The following PTER variants were observed in gnomAD, a reference collection of about 807,000 sequenced individuals.
The protein encoded by PTER is phosphotriesterase related, also known as N-acetyltaurine hydrolase.
PTER carries 38 observed loss-of-function variants against 29.6 expected under a neutral mutation model. The observed-to-expected ratio is 1.28, with a 90% CI of 0.99 to 1.68. PTER has a LOEUF of 1.68. Ranked by LOEUF, PTER falls within the 40% of genes most tolerant of loss-of-function variation. The probability of loss-of-function intolerance (pLI) is 0.00; values close to 1 mark genes in which losing one functional copy is unlikely to be tolerated. For synonymous variants in PTER, 172 were observed against 154.5 expected (o/e 1.11, Z -0.84); for missense variants, 482 against 427.8 (o/e 1.13, Z -1.12).
chr10:16,449,367 A>T (rs1834124028), intron 1 of PTER, among the ~76,000 whole-genome samples: 1 of 152,048 alleles, frequency 6.6e-6, no homozygotes, highest in Non-Finnish European at 1.5e-5. Context: ...GACCTGAGCT[A>T]AAACTCTATT....
intron 1 of PTER, among the ~76,000 whole-genome samples, chr10:16,455,947 T>G (rs1219872185): frequency 6.6e-6 from 1 of 151,404 alleles, no homozygotes; most frequent in Non-Finnish European, 1.5e-5. Context: ...GTGTTATTAC[T>G]TTTTTTTTGG....
In PTER at chr10:16,505,088, T is replaced by G. The variant is rs759226541; in HGVS notation, c.767T>G (p.Phe256Cys). The change falls in exon 4 of 5, where the codon TTT becomes TGT. Residue 256 changes from phenylalanine (F) to cysteine (C), a missense_variant. Transcript: ENST00000535784. ...GGCTGCTACTTGGAATATGATCTCT[T>G]TGGTACTGAACTACTTCATTACCAA... is the stretch of plus-strand genomic sequence containing the variant. Reference protein sequence around the residue: ...QLGCYLEYDLFGTELLHYQLG... With the variant: ...QLGCYLEYDLCGTELLHYQLG... The G allele has an allele frequency of 1.2e-6, 2 of 1,614,030 alleles. No individual in the cohort carries two copies. Among genetic ancestry groups the G allele is most frequent in the South Asian group, 1.1e-5 (1 of 91,066 alleles).
At chr10:16,449,576 G>C (rs746711440) in intron 1 of PTER, among the ~76,000 whole-genome samples, 1 of 151,918 alleles carries the variant, frequency 6.6e-6, no homozygotes, top group Non-Finnish European at 1.5e-5. Context: ...GTCTTTGATG[G>C]TTGAGTGTTG....
downstream of PTER, among the ~76,000 whole-genome samples, chr10:16,515,224 G>GA (rs71952606): frequency 0.41 from 54,606 of 134,634 alleles, 10,415 homozygotes; most frequent in South Asian, 0.49. Context: ...TACTTACAAA[G>GA]AAAAAAAAAA....
intron 1 of PTER, among the ~76,000 whole-genome samples, chr10:16,457,163 A>T (rs1834432208): frequency 6.6e-6 from 1 of 152,130 alleles, no homozygotes; most frequent in African/African-American, 2.4e-5. Context: ...CCTCATAGTC[A>T]TTAACGCTTT....
intron 1 of PTER, among the ~76,000 whole-genome samples, chr10:16,477,950 A>G (rs1295819126): frequency 6.6e-6 from 1 of 152,302 alleles, no homozygotes; most frequent in South Asian, 2.1e-4. Flanking sequence ...GTTTCATGGG[A>G]CAGAAAATCC....
At chr10:16,450,582 C>G (rs1337502744) in intron 1 of PTER, among the ~76,000 whole-genome samples, 1 of 152,176 alleles carries the variant, frequency 6.6e-6, no homozygotes, top group Admixed American at 6.5e-5. Context: ...GAGCATCCAC[C>G]TTTCATTGCA....
At chr10:16,503,358 C>A (rs1452741818) in intron 3 of PTER, among the ~76,000 whole-genome samples, 1 of 151,980 alleles carries the variant, frequency 6.6e-6, no homozygotes, top group Admixed American at 6.5e-5. Flanking sequence ...TCCCGAGTAG[C>A]TGGGATTACA....
At chr10:16,478,275 C>T (rs1302719561) in intron 1 of PTER, among the ~76,000 whole-genome samples, 1 of 151,610 alleles carries the variant, frequency 6.6e-6, no homozygotes, top group African/African-American at 2.4e-5. Context: ...TAATGTTGCA[C>T]TTCGATCTGG....
chr10:16,471,829 T>C (rs1360893095), intron 1 of PTER, among the ~76,000 whole-genome samples: 1 of 152,240 alleles, frequency 6.6e-6, no homozygotes, highest in Non-Finnish European at 1.5e-5. Flanking sequence ...AATGGACTCT[T>C]TGAGTATAAA....
chr10:16,457,394 T>G (rs1008535348), intron 1 of PTER, among the ~76,000 whole-genome samples: 1 of 152,086 alleles, frequency 6.6e-6, no homozygotes, highest in African/African-American at 2.4e-5. Flanking sequence ...TTGTATTTTT[T>G]AGTAGAGACG....
chr10:16,454,815 T>G (rs1254358887), intron 1 of PTER, among the ~76,000 whole-genome samples: 1 of 151,718 alleles, frequency 6.6e-6, no homozygotes, highest in African/African-American at 2.4e-5. Context: ...TACTAATATA[T>G]AATAATAAAC....
chr10:16,517,569 A>G (rs1011684189), downstream of PTER, among the ~76,000 whole-genome samples: 2 of 152,214 alleles, frequency 1.3e-5, no homozygotes, highest in Non-Finnish European at 2.9e-5. Context: ...TCCTCTTTCC[A>G]AATGTAAAGC....
chr10:16,460,447 C>T (rs541512892), intron 1 of PTER, among the ~76,000 whole-genome samples: 10 of 152,254 alleles, frequency 6.6e-5, no homozygotes, highest in African/African-American at 2.4e-4. Context: ...ATTAAATGAT[C>T]TCCATAGTTT....
chr10:16,451,265 G>A (rs878883584), intron 1 of PTER, among the ~76,000 whole-genome samples: 1 of 152,152 alleles, frequency 6.6e-6, no homozygotes, highest in Admixed American at 6.5e-5. Context: ...TGCCCACCCA[G>A]AATGAAGGTG....
At chr10:16,509,717 G>T (rs775636649) in intron 4 of PTER, among the ~76,000 whole-genome samples, 19 of 152,140 alleles carry the variant, frequency 1.2e-4, no homozygotes, top group Non-Finnish European at 2.5e-4. Context: ...AAAAGTAACT[G>T]CAGATCAGAA....
intron 1 of PTER, among the ~76,000 whole-genome samples, chr10:16,473,851 T>G (rs1835155707): frequency 6.6e-6 from 1 of 152,158 alleles, no homozygotes; most frequent in Non-Finnish European, 1.5e-5. Context: ...ACTGGAATAA[T>G]ATCTGCCTGA....
chr10:16,504,422 G>A (rs1320012445), intron 3 of PTER, among the ~76,000 whole-genome samples: 1 of 151,952 alleles, frequency 6.6e-6, no homozygotes, highest in East Asian at 1.9e-4. Context: ...TAAAAAATAA[G>A]CACTCCAGAG....
At chr10:16,448,760 A>C (rs1256484102) in intron 1 of PTER, among the ~76,000 whole-genome samples, 1 of 152,330 alleles carries the variant, frequency 6.6e-6, no homozygotes, top group East Asian at 1.9e-4. Context: ...CAAGATTATG[A>C]CACAAAGCCA....
Sources: allele counts gnomAD v4.1 joint callset (sites outside exome capture counted in the v4.1 genomes callset), GRCh38; gene constraint gnomAD v4.1.1; transcripts MANE v1.5; gene names NCBI Gene and HGNC (gene_info 2026-07-23, HGNC 2026-07-21).